The following PAM variants were observed in gnomAD, a reference collection of about 807,000 sequenced individuals.
PAM encodes the protein peptidyl-glycine alpha-amidating monooxygenase.
PAM carries 72 observed loss-of-function variants against 122.1 expected under a neutral mutation model. That is an observed-to-expected ratio of 0.59 (90% confidence interval 0.49 to 0.72). The LOEUF (loss-of-function observed/expected upper bound fraction) is 0.72, where lower values mean the gene tolerates loss of function less well. Among genes scored for constraint, PAM ranks in the 30% least tolerant of loss-of-function variants. The pLI is 0.00. For synonymous variants in PAM, 389 were observed against 404.4 expected (o/e 0.96, Z 0.46); for missense variants, 1,106 against 1,183.7 (o/e 0.93, Z 0.96).
At chr5:102,852,791 A>G (rs1781650440) in intron 1 of PAM, among the ~76,000 whole-genome samples, 2 of 152,218 alleles carry the variant, frequency 1.3e-5, no homozygotes, top group African/African-American at 2.4e-5. Context: ...ACTAAATTCA[A>G]TAGAATCAAG....
At chr5:102,995,199 A>G (rs1040480456) in intron 16 of PAM, among the ~76,000 whole-genome samples, 9 of 152,174 alleles carry the variant, frequency 5.9e-5, no homozygotes, top group African/African-American at 1.7e-4. Flanking sequence ...AACAGAACTC[A>G]AAAGTGTCTG....
intron 12 of PAM, among the ~76,000 whole-genome samples, chr5:102,951,691 C>A (rs923431626): frequency 7.2e-5 from 11 of 152,078 alleles, no homozygotes; most frequent in African/African-American, 2.7e-4. Context: ...AAAAGGAAAG[C>A]AGGAGCATTT....
At chr5:102,843,580 A>G (rs1378034742) in intron 1 of PAM, among the ~76,000 whole-genome samples, 1 of 152,200 alleles carries the variant, frequency 6.6e-6, no homozygotes, top group Admixed American at 6.5e-5. Flanking sequence ...CAAGCTACAG[A>G]GTGGGAGAAA....
At chr5:102,889,228 G>A (rs1282826200) in intron 3 of PAM, among the ~76,000 whole-genome samples, 1 of 151,924 alleles carries the variant, frequency 6.6e-6, no homozygotes, top group Non-Finnish European at 1.5e-5. Flanking sequence ...GCTTTCAGTG[G>A]CTTTAGTTTG....
chr5:102,959,925 A>T lies in PAM; in HGVS notation c.956A>T (p.Glu319Val). The change falls in exon 13 of 26, where the codon GAA becomes GTA. Residue 319 changes from glutamate to valine, a missense_variant. Glu to Val is a moderately radical substitution (Grantham distance 121). This residue lies in a region of PAM where 670 missense variants were observed against 690.3 expected (regional missense o/e 0.97). Transcript: ENST00000438793. ...AACTTATACATTATGTATTACATGG[A>T]AGCCAAGCATGCAGTTTCTTTCATG... Reference protein sequence around the residue: ...MCNLYIMYYMEAKHAVSFMTC... With the variant: ...MCNLYIMYYMVAKHAVSFMTC... 1 of 1,612,646 alleles carries T rather than the reference A, an allele frequency of 6.2e-7. No individual in the cohort carries two copies. Among genetic ancestry groups the T allele is most frequent in the Non-Finnish European group, 8.5e-7 (1 of 1,178,876 alleles).
intron 1 of PAM, among the ~76,000 whole-genome samples, chr5:102,818,106 T>C (rs1770544576): frequency 6.6e-6 from 1 of 151,248 alleles, no homozygotes; most frequent in South Asian, 2.1e-4. Flanking sequence ...CCCTAACTCT[T>C]TTTCTTGCTT....
intron 2 of PAM, 105 bp from the exon 3 acceptor site, chr5:102,867,168 T>C: frequency 1.4e-6 from 1 of 726,832 alleles, no homozygotes; most frequent in Non-Finnish European, 2.3e-6. Flanking sequence ...TCATTGGGTT[T>C]AAATCAATCA....
At chr5:102,979,169 G>T (rs934866393) in intron 15 of PAM, among the ~76,000 whole-genome samples, 62 of 152,086 alleles carry the variant, frequency 4.1e-4, no homozygotes, top group African/African-American at 1.4e-3. Flanking sequence ...GGTATTATAG[G>T]TGTATTGGTC....
At chr5:102,915,956 G>A (rs570182055) in intron 5 of PAM, among the ~76,000 whole-genome samples, 2 of 152,136 alleles carry the variant, frequency 1.3e-5, no homozygotes, top group African/African-American at 2.4e-5. Context: ...CCACATTGGG[G>A]AATAAGAAGT....
At chr5:102,940,837 A>G (rs1199119998) in intron 7 of PAM, among the ~76,000 whole-genome samples, 1 of 152,156 alleles carries the variant, frequency 6.6e-6, no homozygotes, top group Non-Finnish European at 1.5e-5. Flanking sequence ...GGTGCTGGTT[A>G]CATGGGTGTT....
chr5:102,924,087 T>C (rs1748421436), intron 5 of PAM, among the ~76,000 whole-genome samples: 1 of 152,196 alleles, frequency 6.6e-6, no homozygotes. Context: ...AACTTATTAA[T>C]GCATTCCAGT....
At position 102,863,024 on chromosome 5, in the gene PAM, G is replaced by A. The variant is rs1394351507; in HGVS notation, c.-373-2799G>A. ...TTTAAAAAAAAATGAAAATTAGAGG[G>A]AATGGACTGCCTACTTTGTAAGAGC... On this transcript the variant is annotated intron_variant, in intron 1 of 25. Coordinates refer to ENST00000438793, the MANE Select transcript of PAM (RefSeq NM_001177306.2). Among the ~76,000 whole-genome samples, 2 of 144,558 alleles carry A rather than the reference G, an allele frequency of 1.4e-5. 1 individual carries two copies. The highest frequency in any genetic ancestry group is 5.8e-5 in the African/African-American group (2 of 34,638). 94.8% of individuals were successfully genotyped at this position (144,558 alleles called of 152,430 possible).
chr5:102,955,695 C>T (rs1760473178), intron 12 of PAM, among the ~76,000 whole-genome samples: 1 of 151,986 alleles, frequency 6.6e-6, no homozygotes, highest in South Asian at 2.1e-4. Flanking sequence ...TAAGGAATCA[C>T]ACTGGCATTG....
chr5:102,767,995 C>T (rs773908339), intron 1 of PAM, among the ~76,000 whole-genome samples: 15 of 151,994 alleles, frequency 9.9e-5, no homozygotes, highest in Non-Finnish European at 5.9e-5. Flanking sequence ...GCAAGCTTGT[C>T]GTGTGGGAAT....
rs1242060363 is a variant in PAM, at chr5:102,960,051, A to T, written c.1082A>T (p.His361Leu). Residue 361 changes from histidine to leucine, a missense_variant, in exon 13 of 26, where the codon CAT (histidine) becomes CTT (leucine). By Grantham distance (99) the His-to-Leu change is moderately conservative. Coordinates refer to ENST00000438793, the MANE Select transcript of PAM (RefSeq NM_001177306.2). The part of the protein sequence containing the change: ...VKSDMVMMHE[H>L]HKETEYKDKI... ...TCTGATATGGTTATGATGCATGAAC[A>T]TCATAAAGGTAATAATTGATGTTTA... is the stretch of plus-strand genomic sequence containing the variant. 5 of 1,559,438 alleles carry T rather than the reference A, an allele frequency of 3.2e-6. No individual in the cohort carries two copies. The Admixed American group carries it at 5.2e-5, about 16-fold the overall frequency.
intron 1 of PAM, among the ~76,000 whole-genome samples, chr5:102,859,059 C>T (rs1234799425): frequency 3.3e-5 from 5 of 151,966 alleles, no homozygotes; most frequent in Admixed American, 2.0e-4. Context: ...GTGTATAGTA[C>T]GTAATACTTG....
intron 4 of PAM, among the ~76,000 whole-genome samples, chr5:102,912,935 G>A (rs2151558581): frequency 6.6e-6 from 1 of 152,178 alleles, no homozygotes; most frequent in South Asian, 2.1e-4. Flanking sequence ...GACACACTGT[G>A]AGTCATGGTG....
In PAM at chr5:103,017,361, GCAT is replaced by G; in HGVS notation, c.2361_2363del (p.Ser788del). 6.8e-6 allele frequency: 11 copies of G among 1,611,376 alleles called. No homozygotes were observed. Among genetic ancestry groups the G allele is most frequent in the Non-Finnish European group, 9.3e-6 (11 of 1,177,728 alleles). On this transcript the variant is annotated inframe_deletion, in exon 22 of 26. Coordinates refer to ENST00000438793, the MANE Select transcript of PAM (RefSeq NM_001177306.2). ...CTTTGATATGCCTCATGATATTGTT[GCAT>G]CTGAAGATGGGACTGTGTACATTGG...
At chr5:102,795,880 T>C (rs1392500416) in intron 1 of PAM, among the ~76,000 whole-genome samples, 1 of 152,242 alleles carries the variant, frequency 6.6e-6, no homozygotes, top group African/African-American at 2.4e-5. Flanking sequence ...AGTGCATTTT[T>C]TCCTGAAATG....
Sources: allele counts gnomAD v4.1 joint callset (sites outside exome capture counted in the v4.1 genomes callset), GRCh38; gene constraint gnomAD v4.1.1; regional missense constraint gnomAD v4.1.1; transcripts MANE v1.5; gene names NCBI Gene and HGNC (gene_info 2026-07-23, HGNC 2026-07-21).